PTPN18: variants seen among roughly 807,000 people sequenced by gnomAD.
The protein encoded by PTPN18 is protein tyrosine phosphatase non-receptor type 18, also known as tyrosine-protein phosphatase non-receptor type 18.
Under a neutral mutation model 65.4 loss-of-function variants are expected in PTPN18, and 65 were observed. The observed-to-expected ratio is 0.99, with a 90% CI of 0.81 to 1.22. PTPN18 has a LOEUF of 1.22. PTPN18 is among the 50% of genes most tolerant of loss of function. The pLI is 0.00. For missense variants in PTPN18, 616 were observed against 646.5 expected (o/e 0.95, Z 0.51); for synonymous variants, 255 against 267.8 (o/e 0.95, Z 0.47).
chr2:130,368,998 GTC>G (rs1680468889), intron 5 of PTPN18, 133 bp from the exon 6 acceptor site: 2 of 645,984 alleles, frequency 3.1e-6, no homozygotes, highest in East Asian at 5.6e-5. Flanking sequence ...GTTGGCTGGC[GTC>G]TGTTATAGGT....
chr2:130,372,990 G>A, intron 14 of PTPN18, 43 bp downstream of exon 14: 1 of 1,610,092 alleles, frequency 6.2e-7, no homozygotes, highest in Non-Finnish European at 8.5e-7. Flanking sequence ...TTGCTGCTTT[G>A]AGTGAACCCA....
rs1191501234 is a variant in PTPN18 at position 130,373,366 on chromosome 2, G to T, written c.*142G>T. The T allele has an allele frequency of 2.2e-6, 2 of 889,198 alleles. No homozygotes were observed. The highest frequency in any genetic ancestry group is 2.8e-5 in the East Asian group (1 of 35,746). The allele number at this position is 889,198 out of a possible 1,614,324, so 55.1% of individuals were successfully genotyped here. ...TCAGGGTGGGAAATGTGGGGGCTTT[G>T]CCCCAATGACTGTAGCATTCAAGGC... is the stretch of plus-strand genomic sequence containing the variant. On this transcript the variant is annotated 3_prime_UTR_variant, in exon 15 of 15. Transcript: ENST00000175756. This position sits in a 1 kb window ranked among gnomAD's most constrained non-coding sequence, Gnocchi z 4.1.
Position 130,358,972 on chromosome 2 carries a change from C to A in PTPN18, c.199C>A (p.Pro67Thr). 1 of 1,613,734 alleles carries A rather than the reference C, an allele frequency of 6.2e-7. No individual in the cohort carries two copies. The highest frequency in any genetic ancestry group is 1.7e-5 in the Admixed American group (1 of 60,012). The change falls in exon 2 of 15, where the codon CCT becomes ACT. Residue 67 changes from proline to threonine, a missense_variant. Physicochemically the swap from Pro to Thr is conservative, Grantham distance 38 (BLOSUM62 -1). Coordinates refer to ENST00000175756, the MANE Select transcript of PTPN18 (RefSeq NM_014369.4). Reference sequence around the variant, plus strand: ...GAAGAACCGCTACAAAGACGTGCTGCCTTGTAAGTCGGGGCTTCCGTAGGG... The same window carrying A: ...GAAGAACCGCTACAAAGACGTGCTGACTTGTAAGTCGGGGCTTCCGTAGGG... ...VRKNRYKDVLPYDQTRVILSL... is the reference protein window; with the variant it reads ...VRKNRYKDVLTYDQTRVILSL...
At position 130,367,050 on chromosome 2, in the gene PTPN18, ATTTTTT is replaced by A. The variant is rs57039741; in HGVS notation, c.415-2060_415-2055del. Among the ~76,000 whole-genome samples, 24 of 104,202 alleles carry A rather than the reference ATTTTTT, an allele frequency of 2.3e-4. 1 individual carries two copies. The highest frequency in any genetic ancestry group is 1.2e-3 in the Admixed American group (11 of 8,974). 68.4% of individuals were successfully genotyped at this position (104,202 alleles called of 152,430 possible). ...TTGCCAACACACCTAGCTAATTTTA[ATTTTTT>A]TTTTTTTTTTTTTTTTTTTTTTAAG... On this transcript the variant is annotated intron_variant, in intron 5 of 14. Coordinates refer to ENST00000175756, the MANE Select transcript of PTPN18 (RefSeq NM_014369.4).
At chr2:130,363,124 C>A (rs1680274093) in intron 5 of PTPN18, among the ~76,000 whole-genome samples, 1 of 149,884 alleles carries the variant, frequency 6.7e-6, no homozygotes, top group South Asian at 2.1e-4. Context: ...CGGCCTACCA[C>A]AATAAGTTTT....
At chr2:130,372,754 C>T in intron 13 of PTPN18, 119 bp from the exon 14 acceptor site, 1 of 1,273,112 alleles carries the variant, frequency 7.9e-7, no homozygotes, top group East Asian at 2.3e-5. Context: ...GTGCCTTCTC[C>T]CGCCCGGCGC....
intron 5 of PTPN18, among the ~76,000 whole-genome samples, chr2:130,364,439 A>G (rs1680320195): frequency 6.6e-6 from 1 of 152,210 alleles, no homozygotes; most frequent in Non-Finnish European, 1.5e-5. Flanking sequence ...TTGTTTATCC[A>G]TTCGCCTGTT....
At chr2:130,366,071 A>T (rs1213691575) in intron 5 of PTPN18, among the ~76,000 whole-genome samples, 1 of 152,220 alleles carries the variant, frequency 6.6e-6, no homozygotes, top group Non-Finnish European at 1.5e-5. Context: ...GCTGTGCAGA[A>T]GAGTTAAACA....
chr2:130,371,044 G>C (rs529858372), intron 11 of PTPN18, 80 bp downstream of exon 11: 1 of 1,460,364 alleles, frequency 6.8e-7, no homozygotes, highest in Non-Finnish European at 9.4e-7. Flanking sequence ...TCCAGCCCCC[G>C]GGACTACTGG....
intron 1 of PTPN18, among the ~76,000 whole-genome samples, chr2:130,357,643 T>G (rs1573854897): frequency 6.8e-6 from 1 of 147,000 alleles, no homozygotes; most frequent in East Asian, 2.1e-4. Flanking sequence ...GATCACGAGG[T>G]CAGGAGATCC....
chr2:130,372,904 C>T lies in PTPN18; in HGVS notation c.1272C>T (p.Gly424=), dbSNP rs373019319. The T allele has an allele frequency of 1.6e-5, 26 of 1,614,186 alleles. No individual in the cohort carries two copies. The highest frequency in any genetic ancestry group is 2.0e-5 in the Non-Finnish European group (24 of 1,180,022). ...CTGACCAAAGTCCTGCCGGATCTGG[C>T]GCCTACGAGGACGTGGCGGGTGGAG... is the stretch of plus-strand genomic sequence containing the variant. ...VPADQSPAGS[G]AYEDVAGGAQ... The change falls in exon 14 of 15, where the codon GGC becomes GGT. Residue 424 remains glycine, a synonymous_variant. Coordinates refer to ENST00000175756, the MANE Select transcript of PTPN18 (RefSeq NM_014369.4).
At chr2:130,359,023 C>A in intron 2 of PTPN18, 48 bp downstream of exon 2, 1 of 1,578,344 alleles carries the variant, frequency 6.3e-7, no homozygotes, top group Middle Eastern at 1.7e-4. Flanking sequence ...GCACGCCCTG[C>A]CACGTCCAGG....
intron 7 of PTPN18, 93 bp downstream of exon 7, chr2:130,369,920 C>T: frequency 1.3e-6 from 2 of 1,540,302 alleles, no homozygotes; most frequent in East Asian, 4.5e-5. Context: ...GTACCCACTT[C>T]CTCAGTTATT....
rs1680120218 is a variant in PTPN18 at position 130,359,481 on chromosome 2, T to A, written c.364T>A (p.Phe122Ile). 2 of 1,613,952 alleles carry A rather than the reference T, an allele frequency of 1.2e-6. No homozygotes were observed. The highest frequency in any genetic ancestry group is 3.3e-5 in the Admixed American group (2 of 59,982). The change falls in exon 4 of 15, where the codon TTT becomes ATT. Residue 122 changes from phenylalanine to isoleucine, a missense_variant. Physicochemically the swap from Phe to Ile is conservative, Grantham distance 21 (BLOSUM62 0). Around this residue, in one of 3 missense-constraint regions of PTPN18, gnomAD observed 223 missense variants for 210.0 expected, o/e 1.06. Transcript: ENST00000175756. ...LLDFWRLVWE[F>I]GVKVILMACR... ...AGACTTCTGGAGACTGGTCTGGGAG[T>A]TTGGGGTCAAGGTCAGCACTTGGGG...
rs368868085 is a variant in PTPN18, at chr2:130,358,942, G to T, written c.169G>T (p.Val57Leu). 26 of 1,614,066 alleles carry T rather than the reference G, an allele frequency of 1.6e-5. No homozygotes were observed. Among genetic ancestry groups the T allele is most frequent in the African/African-American group, 2.7e-5 (2 of 74,936 alleles). The change falls in exon 2 of 15, where the codon GTG (valine) becomes TTG (leucine). Residue 57 changes from valine to leucine, a missense_variant. This residue lies in a region of PTPN18 where 223 missense variants were observed against 210.0 expected (regional missense o/e 1.06). Coordinates refer to ENST00000175756, the MANE Select transcript of PTPN18 (RefSeq NM_014369.4). Reference sequence around the variant, plus strand: ...CGTGGCCGGCAGTCGGCCAGAGAACGTGAGGAAGAACCGCTACAAAGACGT... The same window carrying T: ...CGTGGCCGGCAGTCGGCCAGAGAACTTGAGGAAGAACCGCTACAAAGACGT... ...STVAGSRPENVRKNRYKDVLP... is the reference protein window; with the variant it reads ...STVAGSRPENLRKNRYKDVLP...
At chr2:130,358,831 T>C (rs7568956) in intron 1 of PTPN18, 36 bp from the exon 2 acceptor site, 345,018 of 1,563,796 alleles carry the variant, frequency 0.22, 44,694 homozygotes, top group African/African-American at 0.6. Context: ...TCTCCTGTCT[T>C]CTCCCCTCCC....
intron 4 of PTPN18, 25 bp downstream of exon 4, chr2:130,359,517 A>G (rs1372310359): frequency 7.4e-6 from 12 of 1,613,220 alleles, no homozygotes; most frequent in African/African-American, 1.3e-5. Context: ...GTGCGGCACA[A>G]TGGTGGGGTC....
At position 130,372,111 on chromosome 2, in the gene PTPN18, G is replaced by A; in HGVS notation, c.1014-146G>A. ...CAGGGCGCTAGGGACACAGAAGCGA[G>A]GCCTCCAACCCAAGGAGCCCTCCCT... On this transcript the variant is annotated intron_variant, in intron 12 of 14. Coordinates refer to ENST00000175756, the MANE Select transcript of PTPN18 (RefSeq NM_014369.4). 3 of 693,256 alleles carry A rather than the reference G, an allele frequency of 4.3e-6. 1 individual carries two copies. Among genetic ancestry groups the A allele is most frequent in the Non-Finnish European group, 4.6e-6 (2 of 435,374 alleles). The allele number at this position is 693,256 out of a possible 1,614,324, so 42.9% of individuals were successfully genotyped here.
At chr2:130,371,894 TG>T (rs1680575694) in intron 12 of PTPN18, 2 of 242,444 alleles carry the variant, frequency 8.2e-6, no homozygotes, top group African/African-American at 2.2e-5. Context: ...GCTGCGGACA[TG>T]GGATTGAGCC....
Sources: gnomAD v4.1 joint callset for allele counts (sites outside exome capture counted in the v4.1 genomes callset) on GRCh38, gnomAD v4.1.1 for gene constraint, gnomAD v4.1.1 regional missense constraint, Gnocchi (gnomAD v3.1) non-coding constraint, MANE v1.5 for transcripts, NCBI Gene and HGNC (gene_info 2026-07-23, HGNC 2026-07-21) for gene names.